APBB2: variants seen among roughly 807,000 people sequenced by gnomAD.
APBB2 encodes amyloid beta precursor protein binding family B member 2.
Under a neutral mutation model 82.5 loss-of-function variants are expected in APBB2, and 38 were observed. That is an observed-to-expected ratio of 0.46 (90% confidence interval 0.36 to 0.60). APBB2 has a LOEUF of 0.60. Ranked by LOEUF, APBB2 falls within the 20% of genes least tolerant of loss-of-function variation. The pLI, the probability that APBB2 is intolerant of heterozygous loss-of-function variation, is 0.00. For missense variants in APBB2, 772 were observed against 972.3 expected (o/e 0.79, Z 2.74); for synonymous variants, 341 against 368.2 (o/e 0.93, Z 0.85).
rs192587212 is a variant in APBB2 at position 40,959,698 on chromosome 4, T to C, written c.836-14625A>G. Among the ~76,000 whole-genome samples the C allele has an allele frequency of 2.6e-5, 4 of 152,316 alleles. No individual in the cohort carries two copies. The East Asian group carries it at 7.7e-4, about 29-fold the overall frequency. ...ATGTTTTGTAAAATCCAAATCTGTG[T>C]GTGGGAACATTATTATACTACACTC... On this transcript the variant is annotated intron_variant, in intron 6 of 17. Coordinates refer to ENST00000508593, the MANE Select transcript of APBB2 (RefSeq NM_004307.2).
At chr4:40,950,708 T>C (rs1789896922) in intron 6 of APBB2, among the ~76,000 whole-genome samples, 3 of 152,034 alleles carry the variant, frequency 2.0e-5, no homozygotes, top group Admixed American at 2.0e-4. Context: ...CCGAGTGTGG[T>C]TGCATGCCCC....
chr4:40,982,412 A>AGGAAAGGAAAGGAAAG (rs60007840), intron 6 of APBB2, among the ~76,000 whole-genome samples: 7 of 102,090 alleles, frequency 6.9e-5, no homozygotes, highest in African/African-American at 2.4e-4. Flanking sequence ...AAAGAAAGAA[A>AGGAAAGGAAAGGAAAG]GAAAGAAAGA....
chr4:40,928,894 G>A (rs1196108560), intron 10 of APBB2, among the ~76,000 whole-genome samples: 2 of 150,106 alleles, frequency 1.3e-5, no homozygotes, highest in African/African-American at 2.5e-5. Flanking sequence ...CAAAATGAAC[G>A]AATGAATGAA....
intron 1 of APBB2, among the ~76,000 whole-genome samples, chr4:41,184,750 G>T (rs2154066318): frequency 6.6e-6 from 1 of 152,352 alleles, no homozygotes; most frequent in Admixed American, 6.5e-5. Context: ...CTTGGCTACA[G>T]AGTGCAGCCT....
rs1047423319 is a variant in APBB2 at position 40,811,810 on chromosome 4, A to G, written c.*4282T>C. ...AAACCACTGTGGAAGTGCAAGATGA[A>G]CAAAAAGCGGGGACATACTTTAAAT... On this transcript the variant is annotated 3_prime_UTR_variant, in exon 18 of 18. Transcript: ENST00000508593. The G allele has an allele frequency of 6.6e-6, 1 of 152,228 alleles. No individual in the cohort carries two copies. Among genetic ancestry groups the G allele is most frequent in the African/African-American group, 2.4e-5 (1 of 41,458 alleles). The allele number at this position is 152,228 out of a possible 1,614,324, so 9.4% of individuals were successfully genotyped here. A position where few individuals can be genotyped will look rare whatever the true frequency, so the allele number is the denominator to read the frequency against.
intron 7 of APBB2, chr4:40,935,357 C>A (rs1785140324): frequency 8.0e-6 from 4 of 502,378 alleles, no homozygotes; most frequent in African/African-American, 6.0e-5. Context: ...GCTTTAATTA[C>A]TTACCAAATA....
At chr4:40,907,521 C>CACGA (rs1777332888) in intron 10 of APBB2, among the ~76,000 whole-genome samples, 1 of 150,950 alleles carries the variant, frequency 6.6e-6, no homozygotes, top group Non-Finnish European at 1.5e-5. Flanking sequence ...CAGGTGTGTG[C>CACGA]TACCAAGCCT....
chr4:41,213,319 G>C (rs1391903789), intron 1 of APBB2, among the ~76,000 whole-genome samples: 1 of 151,834 alleles, frequency 6.6e-6, no homozygotes, highest in African/African-American at 2.4e-5. Flanking sequence ...AGTGACTGAG[G>C]GACTTAAACA....
At chr4:41,122,792 C>G (rs916893082) in intron 2 of APBB2, among the ~76,000 whole-genome samples, 9 of 152,168 alleles carry the variant, frequency 5.9e-5, no homozygotes, top group African/African-American at 2.2e-4. Flanking sequence ...TTGCTCAAAG[C>G]CTTTTCGTCT....
intron 1 of APBB2, among the ~76,000 whole-genome samples, chr4:41,176,087 A>G (rs1239948286): frequency 1.3e-5 from 2 of 152,130 alleles, no homozygotes; most frequent in Non-Finnish European, 1.5e-5. Flanking sequence ...GCTGGTCATG[A>G]TATTCCCAGA....
chr4:40,967,334 CAG>C (rs951640501), intron 6 of APBB2, among the ~76,000 whole-genome samples: 1 of 152,204 alleles, frequency 6.6e-6, no homozygotes, highest in African/African-American at 2.4e-5. Context: ...GTAACACAAA[CAG>C]GGTTGAAACA....
rs1746156750 is a variant in APBB2, at chr4:40,817,466, C to T, written c.2113-1207G>A. Among the ~76,000 whole-genome samples the T allele has an allele frequency of 2.0e-5, 3 of 152,006 alleles. No individual in the cohort carries two copies. The South Asian group carries it at 6.2e-4, about 32-fold the overall frequency. Reference sequence around the variant, plus strand: ...TTTGAACAACAGAGTTTGAACTGTGCAGGTCCACTTATATGAGGATTTTTT... The same window carrying T: ...TTTGAACAACAGAGTTTGAACTGTGTAGGTCCACTTATATGAGGATTTTTT... On this transcript the variant is annotated intron_variant, in intron 17 of 17. Coordinates refer to ENST00000508593, the MANE Select transcript of APBB2 (RefSeq NM_004307.2).
intron 12 of APBB2, chr4:40,857,145 G>A (rs865841517): frequency 3.0e-6 from 3 of 985,366 alleles, no homozygotes; most frequent in Non-Finnish European, 2.4e-6. Context: ...GCACTGCCCC[G>A]GGCTCAAGTT....
At chr4:40,982,207 AGAAAGAAAAGAAAG>A (rs1798683021) in intron 6 of APBB2, among the ~76,000 whole-genome samples, 2 of 37,560 alleles carry the variant, frequency 5.3e-5, no homozygotes, top group Admixed American at 3.5e-4. Flanking sequence ...AAGAAAGAAA[AGAAAGAAAAGAAAG>A]GAAAGAAAGA....
At chr4:40,864,345 AAAAG>A (rs1314537182) in intron 12 of APBB2, among the ~76,000 whole-genome samples, 2 of 152,204 alleles carry the variant, frequency 1.3e-5, no homozygotes, top group African/African-American at 4.8e-5. Flanking sequence ...GTATATTTGT[AAAAG>A]AAAGACCCCA....
At chr4:41,159,955 GAGAAGGAGAAGAAGAAGAAGAAGAAGA>G (rs1764541427) in intron 1 of APBB2, among the ~76,000 whole-genome samples, 20 of 48,754 alleles carry the variant, frequency 4.1e-4, no homozygotes, top group East Asian at 1.2e-3. Context: ...GAAGGAGAAG[GAGAAGGAGAAGAAGAAGAAGAAGAAGA>G]AGAAGAAGAA....
intron 6 of APBB2, among the ~76,000 whole-genome samples, chr4:40,998,484 A>C (rs940395660): frequency 6.6e-6 from 1 of 152,242 alleles, no homozygotes; most frequent in Admixed American, 6.5e-5. Context: ...TTGGTGTAAC[A>C]TCAAAAAAGA....
chr4:41,157,841 AATTAGCTGGGTGTGGT>A (rs950324153), intron 1 of APBB2, among the ~76,000 whole-genome samples: 7 of 152,038 alleles, frequency 4.6e-5, no homozygotes, highest in Non-Finnish European at 1.0e-4. Context: ...AAATACAAAA[AATTAGCTGGGTGTGGT>A]GGCACACACC....
At chr4:41,155,511 AAAGTACACTTTAGTACTATTTCTACC>A (rs1763227594) in intron 1 of APBB2, among the ~76,000 whole-genome samples, 1 of 152,222 alleles carries the variant, frequency 6.6e-6, no homozygotes, top group Non-Finnish European at 1.5e-5. Flanking sequence ...ACACTTTTTA[AAAGTACACTTTAGTACTATTTCTACC>A]TAGTCAATAA....
Sources: allele counts gnomAD v4.1 joint callset (sites outside exome capture counted in the v4.1 genomes callset), GRCh38; gene constraint gnomAD v4.1.1; transcripts MANE v1.5; gene names NCBI Gene and HGNC (gene_info 2026-07-23, HGNC 2026-07-21).